The following MTSS1 variants were observed in gnomAD, a reference collection of about 807,000 sequenced individuals.
MTSS1 encodes protein MTSS 1.
Under a neutral mutation model 79.0 loss-of-function variants are expected in MTSS1, and 18 were observed. The ratio of observed to expected loss-of-function variants is 0.23; its 90% CI spans 0.16 to 0.34. The LOEUF is 0.34. Ranked by LOEUF, MTSS1 falls within the 10% of genes least tolerant of loss-of-function variation. The pLI is 1.00. For synonymous variants in MTSS1, 341 were observed against 368.6 expected, an observed-to-expected ratio of 0.93 and a Z score of 0.86; for missense variants, 815 against 986.2, an observed-to-expected ratio of 0.83 and a Z score of 2.33.
At chr8:124,577,542 G>T (rs1044960384) in intron 6 of MTSS1, 1 of 518,220 alleles carries the variant, frequency 1.9e-6, no homozygotes. Flanking sequence ...CGGCCTTGGA[G>T]GAGATTTCTG....
chr8:124,661,860 C>G (rs770308653), intron 3 of MTSS1, among the ~76,000 whole-genome samples: 14 of 152,220 alleles, frequency 9.2e-5, no homozygotes, highest in Admixed American at 5.9e-4. Flanking sequence ...GTCTGCATTT[C>G]TGACTCCCCT....
chr8:124,657,041 G>A (rs946385575), intron 3 of MTSS1, among the ~76,000 whole-genome samples: 6 of 152,140 alleles, frequency 3.9e-5, no homozygotes, highest in Admixed American at 2.6e-4. Flanking sequence ...CTAAATGCAA[G>A]ACATTTGAGT....
At chr8:124,678,792 T>A (rs150388519) in intron 3 of MTSS1, among the ~76,000 whole-genome samples, 137 of 152,338 alleles carry the variant, frequency 9.0e-4, no homozygotes, top group African/African-American at 3.2e-3. Context: ...TACTACAGTG[T>A]ACTGGGCTGC....
intron 3 of MTSS1, among the ~76,000 whole-genome samples, chr8:124,618,130 C>T (rs1341282956): frequency 6.6e-6 from 1 of 152,146 alleles, no homozygotes; most frequent in Non-Finnish European, 1.5e-5. Context: ...CCTGGGGTCA[C>T]ACAGCTAACA....
chr8:124,727,054 G>A lies in MTSS1; in HGVS notation c.72+830C>T, dbSNP rs1254245689. Among the ~76,000 whole-genome samples the A allele has an allele frequency of 6.6e-6, 1 of 152,094 alleles. No homozygotes were observed. Among genetic ancestry groups the A allele is most frequent in the Non-Finnish European group, 1.5e-5 (1 of 67,994 alleles). On this transcript the variant is annotated intron_variant, in intron 1 of 13. Transcript: ENST00000518547. This position sits in a 1 kb window ranked among gnomAD's most constrained non-coding sequence, Gnocchi z 4.7. ...TTATCCCCAGTCCCACCCTTTGCAG[G>A]AAAAAACCAGGGTGTTGTTCCCCGC...
Position 124,589,718 on chromosome 8 carries a change from C to T in MTSS1, c.294-7G>A, listed in dbSNP as rs1293485206. 1 of 1,594,894 alleles carries T rather than the reference C, an allele frequency of 6.3e-7. No homozygotes were observed. The highest frequency in any genetic ancestry group is 8.6e-7 in the Non-Finnish European group (1 of 1,165,964). ...CAGACAATCAATTAAAGCGCTTTTACCAAGCGGGGGGGAAAAAGGGAGAAA... is the reference window on the plus strand; with the variant it reads ...CAGACAATCAATTAAAGCGCTTTTATCAAGCGGGGGGGAAAAAGGGAGAAA... On this transcript the variant is annotated splice_polypyrimidine_tract_variant and splice_region_variant and intron_variant, in intron 4 of 13. Coordinates refer to ENST00000518547, the MANE Select transcript of MTSS1 (RefSeq NM_014751.6).
intron 10 of MTSS1, among the ~76,000 whole-genome samples, chr8:124,561,596 C>T (rs894292315): frequency 2.6e-5 from 4 of 152,152 alleles, no homozygotes; most frequent in African/African-American, 4.8e-5. Flanking sequence ...GGCTGCAGCA[C>T]GTGGCTTCTC....
At chr8:124,710,686 CTG>C (rs35807740) in intron 1 of MTSS1, among the ~76,000 whole-genome samples, 8,165 of 152,112 alleles carry the variant, frequency 0.054, 289 homozygotes, top group African/African-American at 0.093. Flanking sequence ...CAGAGAATAA[CTG>C]TGTGTAGCTC....
chr8:124,634,745 G>C (rs543274340), intron 3 of MTSS1, among the ~76,000 whole-genome samples: 1 of 152,106 alleles, frequency 6.6e-6, no homozygotes, highest in African/African-American at 2.4e-5. Context: ...CCATGTCCTT[G>C]GTATTCAAAG....
chr8:124,635,148 T>A (rs1816754791), intron 3 of MTSS1, among the ~76,000 whole-genome samples: 1 of 152,200 alleles, frequency 6.6e-6, no homozygotes, highest in Non-Finnish European at 1.5e-5. Flanking sequence ...AAACATCACT[T>A]CCTTCCTCTA....
chr8:124,626,065 C>T (rs1248731448), intron 3 of MTSS1, among the ~76,000 whole-genome samples: 4 of 152,196 alleles, frequency 2.6e-5, no homozygotes, highest in African/African-American at 9.6e-5. Context: ...CCAAATAGAA[C>T]TCTAGGGCCA....
At chr8:124,721,807 G>A (rs1832985307) in intron 1 of MTSS1, among the ~76,000 whole-genome samples, 2 of 152,136 alleles carry the variant, frequency 1.3e-5, no homozygotes, top group South Asian at 4.1e-4. Context: ...GTACCCCAAG[G>A]CACTGATCAG....
intron 3 of MTSS1, among the ~76,000 whole-genome samples, chr8:124,601,662 T>C (rs570540937): frequency 6.6e-6 from 1 of 152,270 alleles, no homozygotes; most frequent in South Asian, 2.1e-4. Context: ...TGCCCGGGTG[T>C]TGCATCACAG....
chr8:124,652,952 T>C (rs909252416), intron 3 of MTSS1, among the ~76,000 whole-genome samples: 1 of 152,256 alleles, frequency 6.6e-6, no homozygotes, highest in Non-Finnish European at 1.5e-5. Context: ...TGTGATCTTA[T>C]TTACACTGCG....
chr8:124,575,571 G>T (rs1440648822), intron 6 of MTSS1, among the ~76,000 whole-genome samples: 1 of 151,616 alleles, frequency 6.6e-6, no homozygotes, highest in African/African-American at 2.4e-5. Flanking sequence ...GGTAGGGTGG[G>T]TTTTTTGTTG....
intron 6 of MTSS1, 94 bp from the exon 7 acceptor site, chr8:124,568,630 C>T (rs1586868137): frequency 3.2e-6 from 5 of 1,563,136 alleles, no homozygotes; most frequent in Non-Finnish European, 4.4e-6. Context: ...GAGTCAAAAC[C>T]ACAATTTTCC....
intron 3 of MTSS1, among the ~76,000 whole-genome samples, chr8:124,640,579 T>C (rs1325080479): frequency 6.6e-6 from 1 of 152,238 alleles, no homozygotes; most frequent in African/African-American, 2.4e-5. Context: ...AGACTCGCTC[T>C]GTCACCCAGG....
chr8:124,720,469 A>G (rs1832743432), intron 1 of MTSS1, among the ~76,000 whole-genome samples: 2 of 152,190 alleles, frequency 1.3e-5, no homozygotes, highest in Non-Finnish European at 2.9e-5. Flanking sequence ...GATGACCCTA[A>G]TAAAGCAACT....
chr8:124,563,584 T>G (rs539361735), intron 9 of MTSS1, among the ~76,000 whole-genome samples: 18 of 152,348 alleles, frequency 1.2e-4, no homozygotes, highest in African/African-American at 4.1e-4. Context: ...ACTCACTATG[T>G]TGGTGTGCAT....
Sources: allele counts gnomAD v4.1 joint callset (sites outside exome capture counted in the v4.1 genomes callset), GRCh38; gene constraint gnomAD v4.1.1; non-coding constraint Gnocchi (gnomAD v3.1); transcripts MANE v1.5; gene names NCBI Gene and HGNC (gene_info 2026-07-23, HGNC 2026-07-21).